PDE5A: variants seen among roughly 807,000 people sequenced by gnomAD.
The protein encoded by PDE5A is phosphodiesterase 5A, also known as cGMP-specific 3',5'-cyclic phosphodiesterase.
A neutral mutation model predicts 110.2 loss-of-function variants in PDE5A; 67 were observed. That is an observed-to-expected ratio of 0.61 (90% CI 0.50 to 0.75). The LOEUF is 0.75. Among genes scored for constraint, PDE5A ranks in the 30% least tolerant of loss-of-function variants. The pLI, the probability that PDE5A is intolerant of heterozygous loss-of-function variation, is 0.00. For synonymous variants in PDE5A, 328 were observed against 351.2 expected (o/e 0.93, Z 0.74); for missense variants, 862 against 1,045.1 (o/e 0.82, Z 2.42).
At position 119,505,745 on chromosome 4, in the gene PDE5A, A is replaced by G. The variant is rs564337346; in HGVS notation, c.2267+110T>C. ...CTGGAGAAATCTGACCGCTTTTAAGATCATCATATTGTAACAAATAATTGC... is the reference window on the plus strand; with the variant it reads ...CTGGAGAAATCTGACCGCTTTTAAGGTCATCATATTGTAACAAATAATTGC... On this transcript the variant is annotated intron_variant, in intron 17 of 20. Coordinates refer to ENST00000354960, the MANE Select transcript of PDE5A (RefSeq NM_001083.4). The G allele has an allele frequency of 8.6e-5, 56 of 649,998 alleles. No individual in the cohort carries two copies. The African/African-American group carries it at 9.8e-4, about 11-fold the overall frequency. 40.3% of individuals were successfully genotyped at this position (649,998 alleles called of 1,614,324 possible).
intron 20 of PDE5A, chr4:119,500,704 C>G (rs1725281281): frequency 6.6e-6 from 1 of 152,338 alleles, no homozygotes; most frequent in Non-Finnish European, 1.5e-5. Flanking sequence ...ACCCCCCCTC[C>G]AAAAGCCAAG....
At chr4:119,509,168 T>C (rs1725657610) in intron 15 of PDE5A, among the ~76,000 whole-genome samples, 3 of 151,864 alleles carry the variant, frequency 2.0e-5, no homozygotes, top group Non-Finnish European at 2.9e-5. Context: ...TGTGAAAAAA[T>C]GGTATTGGGA....
chr4:119,620,384 T>C (rs1730101360), intron 1 of PDE5A, among the ~76,000 whole-genome samples: 1 of 152,238 alleles, frequency 6.6e-6, no homozygotes, highest in Non-Finnish European at 1.5e-5. Flanking sequence ...TGATTTTAAC[T>C]TCAAATTTGA....
chr4:119,607,478 T>C (rs1233156347), intron 1 of PDE5A, among the ~76,000 whole-genome samples, 181 bp from the exon 2 acceptor site: 1 of 152,186 alleles, frequency 6.6e-6, no homozygotes, highest in Non-Finnish European at 1.5e-5. Flanking sequence ...GGTTCACACC[T>C]GTAATTCCAC....
At position 119,565,320 on chromosome 4, in the gene PDE5A, C is replaced by T; in HGVS notation, c.993+1G>A. ...GCACTTTCTTTAGTAATCAGACTGA[C>T]CTGATTTCTCTTGTTCTCCAGCAGT... is the stretch of plus-strand genomic sequence containing the variant. On this transcript the variant is annotated splice_donor_variant, in intron 5 of 20. Transcript: ENST00000354960. LOFTEE classifies it high-confidence loss of function. 6.3e-7 allele frequency: 1 copy of T among 1,592,338 alleles called. No homozygotes were observed. The highest frequency in any genetic ancestry group is 8.6e-7 in the Non-Finnish European group (1 of 1,161,344).
chr4:119,595,684 C>T (rs1484797806), intron 3 of PDE5A, among the ~76,000 whole-genome samples: 1 of 152,222 alleles, frequency 6.6e-6, no homozygotes, highest in African/African-American at 2.4e-5. Flanking sequence ...TCCCATTTCT[C>T]AGGCCTTCAG....
intron 2 of PDE5A, among the ~76,000 whole-genome samples, chr4:119,600,531 G>A (rs112299847): frequency 0.029 from 4,356 of 152,076 alleles, 88 homozygotes; most frequent in South Asian, 0.07. Flanking sequence ...GCTAGGGCAC[G>A]GAAAGTGTAA....
chr4:119,533,540 T>A (rs1268336563), intron 11 of PDE5A, among the ~76,000 whole-genome samples: 2 of 152,172 alleles, frequency 1.3e-5, no homozygotes, highest in African/African-American at 4.8e-5. Context: ...AAAACGGGAA[T>A]GAGTATGAAA....
intron 8 of PDE5A, 46 bp downstream of exon 8, chr4:119,553,592 T>C (rs1430058629): frequency 3.3e-6 from 3 of 912,482 alleles, no homozygotes; most frequent in Non-Finnish European, 5.6e-6. Context: ...ACAGATGTGA[T>C]GGGAAAACAG....
rs115740888 is a variant in PDE5A at position 119,570,899 on chromosome 4, A to G, written c.832-3755T>C. 8.1e-3 allele frequency among the ~76,000 whole-genome samples: 1,237 copies of G among 152,302 alleles called. 12 individuals carry two copies. Among genetic ancestry groups the G allele is most frequent in the African/African-American group, 0.028 (1,181 of 41,550 alleles). Reference sequence around the variant, plus strand: ...AGAAAACTAGAACTTAACAATATATAGAGGAGTTAGGGGAGAATTTTCCCT... The same window carrying G: ...AGAAAACTAGAACTTAACAATATATGGAGGAGTTAGGGGAGAATTTTCCCT... On this transcript the variant is annotated intron_variant, in intron 3 of 20. Transcript: ENST00000354960.
chr4:119,578,789 A>G (rs1326531083), intron 3 of PDE5A, among the ~76,000 whole-genome samples: 4 of 152,194 alleles, frequency 2.6e-5, no homozygotes, highest in Non-Finnish European at 5.9e-5. Context: ...CAAGGACTTC[A>G]TGTCTAAAAC....
intron 11 of PDE5A, among the ~76,000 whole-genome samples, chr4:119,530,754 A>G (rs1313447999): frequency 6.6e-6 from 1 of 152,142 alleles, no homozygotes; most frequent in African/African-American, 2.4e-5. Context: ...CAGTTTCTCC[A>G]TATTATGCAG....
intron 3 of PDE5A, among the ~76,000 whole-genome samples, chr4:119,588,516 T>C (rs575169891): frequency 2.4e-5 from 3 of 124,918 alleles, no homozygotes; most frequent in African/African-American, 8.9e-5. Flanking sequence ...GCAAGTATCT[T>C]CTTTGCTTCA....
intron 3 of PDE5A, among the ~76,000 whole-genome samples, chr4:119,584,588 T>C (rs1218681471): frequency 6.6e-6 from 1 of 152,252 alleles, no homozygotes; most frequent in Non-Finnish European, 1.5e-5. Flanking sequence ...TGTCAAATTA[T>C]GTGGCTCTGG....
At position 119,525,713 on chromosome 4, in the gene PDE5A, GAA is replaced by G. The variant is rs3832310; in HGVS notation, c.1633-20_1633-19del. ...ACAGCAGCCTTGGGTAAGGAAAGAA[GAA>G]AAAAAAAAATGCTGTTAATTAAAGC... On this transcript the variant is annotated intron_variant, in intron 11 of 20. Coordinates refer to ENST00000354960, the MANE Select transcript of PDE5A (RefSeq NM_001083.4). This position sits in a 1 kb window ranked among gnomAD's most constrained non-coding sequence, Gnocchi z 4.3. The G allele has an allele frequency of 2.1e-3, 3,032 of 1,416,530 alleles. 36 individuals carry two copies. The African/African-American group carries it at 0.036, about 17-fold the overall frequency. 87.7% of individuals were successfully genotyped at this position (1,416,530 alleles called of 1,614,324 possible). A position where few individuals can be genotyped will look rare whatever the true frequency, so the allele number is the denominator to read the frequency against.
rs1456406151 is a variant in PDE5A, at chr4:119,495,298, A to G, written c.*3303T>C. 3.3e-5 allele frequency: 5 copies of G among 152,150 alleles called. No individual in the cohort carries two copies. The highest frequency in any genetic ancestry group is 1.2e-4 in the African/African-American group (5 of 41,450). The allele number at this position is 152,150 out of a possible 1,614,324, so 9.4% of individuals were successfully genotyped here. On this transcript the variant is annotated 3_prime_UTR_variant, in exon 21 of 21. Coordinates refer to ENST00000354960, the MANE Select transcript of PDE5A (RefSeq NM_001083.4). ...GTCTCCACAGCAGAGCACGGTACCT[A>G]ACATGTGGCAGGACTCAATAAAAGG...
chr4:119,592,784 C>A (rs1037725788), intron 3 of PDE5A, among the ~76,000 whole-genome samples: 1 of 152,076 alleles, frequency 6.6e-6, no homozygotes, highest in Non-Finnish European at 1.5e-5. Flanking sequence ...TTTTTCATCT[C>A]ATGAAATGCT....
At chr4:119,553,271 G>A (rs548732848) in intron 8 of PDE5A, among the ~76,000 whole-genome samples, 1 of 152,188 alleles carries the variant, frequency 6.6e-6, no homozygotes, top group African/African-American at 2.4e-5. Flanking sequence ...CACTATGACA[G>A]ATTACCAATT....
At chr4:119,524,476 TA>T (rs150817158) in intron 12 of PDE5A, among the ~76,000 whole-genome samples, 1,710 of 152,268 alleles carry the variant, frequency 0.011, 16 homozygotes, top group Non-Finnish European at 0.019. Context: ...TATTTTCACC[TA>T]AGAAAGAGTA....
Sources: allele counts gnomAD v4.1 joint callset (sites outside exome capture counted in the v4.1 genomes callset), GRCh38; gene constraint gnomAD v4.1.1; non-coding constraint Gnocchi (gnomAD v3.1); transcripts MANE v1.5; gene names NCBI Gene and HGNC (gene_info 2026-07-23, HGNC 2026-07-21).